Variants in NWD1 observed in about 807,000 individuals in gnomAD.
NWD1 encodes NACHT domain- and WD repeat-containing protein 1.
NWD1 carries 129 observed loss-of-function variants against 135.1 expected under a neutral mutation model. The ratio of observed to expected loss-of-function variants is 0.96; its 90% CI spans 0.83 to 1.11. The LOEUF (loss-of-function observed/expected upper bound fraction) is 1.11, where lower values mean the gene tolerates loss of function less well. Ranked by LOEUF, NWD1 falls within the 50% of genes least tolerant of loss-of-function variation. The pLI is 0.00. For missense variants in NWD1, 1,740 were observed against 1,851.3 expected, an observed-to-expected ratio of 0.94 and a Z score of 1.10; for synonymous variants, 773 against 786.0, an observed-to-expected ratio of 0.98 and a Z score of 0.28.
rs186310431 is a variant in NWD1 at position 16,747,357 on chromosome 19, A to G, written c.497-1782A>G. ...GCTGACATTTTCTTTTTATTTATTTATTTATTTATTTATTTATTTATTTAT... is the reference window on the plus strand; with the variant it reads ...GCTGACATTTTCTTTTTATTTATTTGTTTATTTATTTATTTATTTATTTAT... On this transcript the variant is annotated intron_variant, in intron 5 of 18. Transcript: ENST00000524140. Among the ~76,000 whole-genome samples the G allele has an allele frequency of 2.3e-4, 33 of 146,636 alleles. No individual in the cohort carries two copies. In the East Asian group the frequency reaches 6.2e-3, roughly 28 times the overall value.
At chr19:16,808,754 T>C (rs938384783) in intron 18 of NWD1, among the ~76,000 whole-genome samples, 3 of 151,638 alleles carry the variant, frequency 2.0e-5, no homozygotes, top group African/African-American at 7.3e-5. Flanking sequence ...ATTTCAGGCA[T>C]GACCCACCGG....
rs1442711758 is a variant in NWD1, at chr19:16,759,448, G to A, written c.1973+20G>A. ...CCACAGGTAGGTCCAGGCAGCAGTG[G>A]CAGCGACACTGTCTGGGTGGGACCC... is the stretch of plus-strand genomic sequence containing the variant. On this transcript the variant is annotated intron_variant, in intron 7 of 18. Coordinates refer to ENST00000524140, the MANE Select transcript of NWD1 (RefSeq NM_001007525.5). The A allele has an allele frequency of 6.5e-6, 10 of 1,528,712 alleles. No individual in the cohort carries two copies. Among genetic ancestry groups the A allele is most frequent in the Non-Finnish European group, 8.8e-6 (10 of 1,136,142 alleles). The allele number at this position is 1,528,712 out of a possible 1,614,324, so 94.7% of individuals were successfully genotyped here.
chr19:16,782,930 C>G (rs1252542994), intron 12 of NWD1, among the ~76,000 whole-genome samples: 1 of 148,004 alleles, frequency 6.8e-6, no homozygotes, highest in East Asian at 2.0e-4. Flanking sequence ...CCTTTCCTTC[C>G]TTCCTTCCCT....
chr19:16,805,872 T>C (rs948958120), intron 17 of NWD1, among the ~76,000 whole-genome samples: 2 of 151,450 alleles, frequency 1.3e-5, no homozygotes, highest in Non-Finnish European at 3.0e-5. Context: ...TTCTTTCTTT[T>C]CTTCTTTTTT....
chr19:16,778,453 ATTTC>A (rs1240255695), intron 11 of NWD1, among the ~76,000 whole-genome samples: 5 of 148,846 alleles, frequency 3.4e-5, no homozygotes, highest in East Asian at 2.0e-4. Context: ...AGCCAATATA[ATTTC>A]TTTCTTTCTT....
At chr19:16,804,638 T>G (rs1490414351) in intron 17 of NWD1, among the ~76,000 whole-genome samples, 5 of 151,860 alleles carry the variant, frequency 3.3e-5, no homozygotes, top group African/African-American at 1.2e-4. Context: ...TTGTTTATCA[T>G]ATTTCTGGAG....
intron 4 of NWD1, among the ~76,000 whole-genome samples, chr19:16,738,552 G>C (rs1027493442): frequency 1.5e-5 from 2 of 134,024 alleles, no homozygotes; most frequent in African/African-American, 5.9e-5. Context: ...CTGCGCAACA[G>C]ACGGAGACTC....
chr19:16,761,696 C>T lies in NWD1; in HGVS notation c.1974-283C>T, dbSNP rs1422785870. Among the ~76,000 whole-genome samples, 3 of 152,072 alleles carry T rather than the reference C, an allele frequency of 2.0e-5. No individual in the cohort carries two copies. The East Asian group carries it at 5.8e-4, about 29-fold the overall frequency. On this transcript the variant is annotated intron_variant, in intron 7 of 18. Transcript: ENST00000524140. ...TGTTTCTTAATTCTCGGTATATACC[C>T]AGGAGTGGATTTGCTGGGTCAGGTG...
intron 10 of NWD1, among the ~76,000 whole-genome samples, chr19:16,766,646 C>G (rs1969236066): frequency 6.6e-6 from 1 of 151,938 alleles, no homozygotes. Flanking sequence ...AGTACAGTGG[C>G]ATGATCTCAG....
chr19:16,812,290 G>T (rs1044777400), intron 18 of NWD1, among the ~76,000 whole-genome samples: 1 of 150,182 alleles, frequency 6.7e-6, no homozygotes, highest in Admixed American at 6.6e-5. Flanking sequence ...GCCTGGGTCA[G>T]ACCTGTTAAA....
rs1357837432 is a variant in NWD1 at position 16,791,695 on chromosome 19, A to G, written c.3213+73A>G. On this transcript the variant is annotated intron_variant, in intron 14 of 18. Transcript: ENST00000524140. ...GTGCTCAGATGTGCTAGAAGTTGGGAAAAATAATCTTGCCTTGTATCTTTG... is the reference window on the plus strand; with the variant it reads ...GTGCTCAGATGTGCTAGAAGTTGGGGAAAATAATCTTGCCTTGTATCTTTG... The G allele has an allele frequency of 4.9e-6, 7 of 1,421,788 alleles. No individual in the cohort carries two copies. In the East Asian group the frequency reaches 1.4e-4, roughly 28 times the overall value. The allele number at this position is 1,421,788 out of a possible 1,614,324, so 88.1% of individuals were successfully genotyped here. A position where few individuals can be genotyped will look rare whatever the true frequency, so the allele number is the denominator to read the frequency against.
In NWD1 at chr19:16,791,383, G is replaced by A. The variant is rs1970239280; in HGVS notation, c.2974G>A (p.Val992Ile). 6.2e-7 allele frequency: 1 copy of A among 1,614,044 alleles called. No individual in the cohort carries two copies. The highest frequency in any genetic ancestry group is 8.5e-7 in the Non-Finnish European group (1 of 1,179,988). Residue 992 changes from valine to isoleucine, a missense_variant, in exon 14 of 19, where the codon GTA (valine) becomes ATA (isoleucine). By Grantham distance (29) the Val-to-Ile change is conservative. Coordinates refer to ENST00000524140, the MANE Select transcript of NWD1 (RefSeq NM_001007525.5). ...TTGGAATCTGGAAACTGCAGAGCCGGTATTCCATATCCTGGGAGATGCCTC... is the reference window on the plus strand; with the variant it reads ...TTGGAATCTGGAAACTGCAGAGCCGATATTCCATATCCTGGGAGATGCCTC... The part of the protein sequence containing the change: ...NAWNLETAEP[V>I]FHILGDASDP...
chr19:16,778,417 A>G (rs1243222319), intron 11 of NWD1, among the ~76,000 whole-genome samples: 2 of 151,692 alleles, frequency 1.3e-5, no homozygotes, highest in African/African-American at 4.8e-5. Flanking sequence ...GAACTCAGAG[A>G]TGTCAAAAAC....
At chr19:16,764,870 C>G (rs1409602511) in intron 9 of NWD1, among the ~76,000 whole-genome samples, 164 bp from the exon 10 acceptor site, 2 of 152,156 alleles carry the variant, frequency 1.3e-5, no homozygotes, top group East Asian at 3.8e-4. Flanking sequence ...TTACATCCCA[C>G]AATGCATAGT....
Position 16,749,261 on chromosome 19 carries a change from A to T in NWD1, c.619A>T (p.Met207Leu). 6.2e-7 allele frequency: 1 copy of T among 1,614,048 alleles called. No homozygotes were observed. Among genetic ancestry groups the T allele is most frequent in the Non-Finnish European group, 8.5e-7 (1 of 1,180,018 alleles). Residue 207 changes from methionine to leucine, a missense_variant, in exon 6 of 19, where the codon ATG (methionine) becomes TTG (leucine). Physicochemically the swap from Met to Leu is conservative, Grantham distance 15. Transcript: ENST00000524140. The stretch of plus-strand genomic sequence containing the variant: ...CATCCTTGAAGACTGCGCCCTTAGG[A>T]TGGTGGACCGGCTCGCGGATGGCTG... Reference protein sequence around the residue: ...KHILEDCALRMVDRLADGCLD... With the variant: ...KHILEDCALRLVDRLADGCLD...
At chr19:16,749,050 C>A in intron 5 of NWD1, 89 bp from the exon 6 acceptor site, 1 of 1,014,956 alleles carries the variant, frequency 9.9e-7, no homozygotes. Flanking sequence ...TGCACATCCC[C>A]CAACAACAGG....
chr19:16,783,732 A>C (rs1969943145), intron 12 of NWD1, among the ~76,000 whole-genome samples: 1 of 151,584 alleles, frequency 6.6e-6, no homozygotes, highest in Non-Finnish European at 1.5e-5. Flanking sequence ...TGTCTCTTAA[A>C]ACAAATAAAC....
intron 18 of NWD1, chr19:16,812,699 CAAAA>C (rs766220747): frequency 1.3e-6 from 1 of 779,064 alleles, no homozygotes; most frequent in Non-Finnish European, 2.4e-6. Flanking sequence ...AACAAACAAA[CAAAA>C]AACCCAAGAA....
chr19:16,786,005 C>T (rs1344849144), intron 12 of NWD1, among the ~76,000 whole-genome samples: 1 of 151,942 alleles, frequency 6.6e-6, no homozygotes, highest in African/African-American at 2.4e-5. Context: ...GCTGAGATTA[C>T]AGGCGCCTGC....
Sources: gnomAD v4.1 joint callset for allele counts (sites outside exome capture counted in the v4.1 genomes callset) on GRCh38, gnomAD v4.1.1 for gene constraint, MANE v1.5 for transcripts, NCBI Gene and HGNC (gene_info 2026-07-23, HGNC 2026-07-21) for gene names.